Variants in LDLRAD3 observed in about 807,000 individuals in gnomAD.
LDLRAD3 encodes low density lipoprotein receptor class A domain containing 3, also known as low-density lipoprotein receptor class A domain-containing protein 3.
A neutral mutation model predicts 29.4 loss-of-function variants in LDLRAD3; 20 were observed. The ratio of observed to expected loss-of-function variants is 0.68; its 90% CI spans 0.48 to 0.99. LDLRAD3 has a LOEUF of 0.99. Among genes scored for constraint, LDLRAD3 ranks in the 50% least tolerant of loss-of-function variants. The probability of loss-of-function intolerance (pLI) is 0.00; values close to 1 mark genes in which losing one functional copy is unlikely to be tolerated. For synonymous variants in LDLRAD3, 157 were observed against 192.7 expected, an observed-to-expected ratio of 0.81 and a Z score of 1.53; for missense variants, 420 against 454.3, an observed-to-expected ratio of 0.92 and a Z score of 0.69.
rs560365027 is a variant in LDLRAD3, at chr11:36,013,538, A to C, written c.47-22565A>C. ...TGTTCTCATTGTTCAACTCCCACTTATGAGTGAGAACATGTGGTGTTTGGT... is the reference window on the plus strand; with the variant it reads ...TGTTCTCATTGTTCAACTCCCACTTCTGAGTGAGAACATGTGGTGTTTGGT... On this transcript the variant is annotated intron_variant, in intron 1 of 5. Coordinates refer to ENST00000315571, the MANE Select transcript of LDLRAD3 (RefSeq NM_174902.4). 1.3e-4 allele frequency among the ~76,000 whole-genome samples: 18 copies of C among 135,544 alleles called. 1 individual carries two copies. The South Asian group carries it at 4.0e-3, about 30-fold the overall frequency. The allele number at this position is 135,544 out of a possible 152,430, so 88.9% of individuals were successfully genotyped here.
intron 4 of LDLRAD3, among the ~76,000 whole-genome samples, chr11:36,145,720 T>G (rs1030397859): frequency 6.0e-5 from 9 of 151,246 alleles, no homozygotes; most frequent in African/African-American, 2.2e-4. Flanking sequence ...AACCCTGTGC[T>G]CTCTGAAACA....
chr11:35,981,403 T>G (rs1236498802), intron 1 of LDLRAD3, among the ~76,000 whole-genome samples: 1 of 152,102 alleles, frequency 6.6e-6, no homozygotes, highest in East Asian at 1.9e-4. Context: ...CCTCAGTGGG[T>G]GGCTGTGGGG....
chr11:36,229,630 G>GTT lies in LDLRAD3; in HGVS notation c.*233_*234insTT. The GTT allele has an allele frequency of 2.2e-6, 1 of 452,156 alleles. No homozygotes were observed. The highest frequency in any genetic ancestry group is 3.9e-6 in the Non-Finnish European group (1 of 255,768). 28.0% of individuals were successfully genotyped at this position (452,156 alleles called of 1,614,324 possible). On this transcript the variant is annotated 3_prime_UTR_variant, in exon 6 of 6. Transcript: ENST00000315571. ...TTTCTGTCAGGTCACTCTTCCCTTG[G>GTT]GACCCGAGATCACACCCTCATTTTT...
chr11:35,966,364 G>A (rs946773967), intron 1 of LDLRAD3, among the ~76,000 whole-genome samples: 1 of 152,218 alleles, frequency 6.6e-6, no homozygotes, highest in Non-Finnish European at 1.5e-5. Context: ...GGCGGAGGTT[G>A]CAGTGAGCTG....
At chr11:36,122,329 G>A (rs183061236) in intron 4 of LDLRAD3, among the ~76,000 whole-genome samples, 2 of 152,230 alleles carry the variant, frequency 1.3e-5, no homozygotes, top group Admixed American at 1.3e-4. Context: ...TCAGTGCAGG[G>A]GGAGAAGTGG....
Position 36,133,246 on chromosome 11 carries a change from G to A in LDLRAD3, c.454+34785G>A, listed in dbSNP as rs959655595. On this transcript the variant is annotated intron_variant, in intron 4 of 5. Transcript: ENST00000315571. ...AGATGGGGCCTTGCTATGTTGTCCA[G>A]GTTGGTCTCGAACTCCTGGGCTCAA... Among the ~76,000 whole-genome samples the A allele has an allele frequency of 1.2e-4, 18 of 146,078 alleles. 1 individual carries two copies. Among genetic ancestry groups the A allele is most frequent in the African/African-American group, 2.6e-5 (1 of 39,206 alleles).
At chr11:36,193,204 A>G (rs1386361110) in intron 4 of LDLRAD3, among the ~76,000 whole-genome samples, 9 of 152,170 alleles carry the variant, frequency 5.9e-5, no homozygotes, top group Non-Finnish European at 8.8e-5. Flanking sequence ...CTGTGAGCCA[A>G]TGTATACAAA....
intron 1 of LDLRAD3, among the ~76,000 whole-genome samples, chr11:35,970,275 G>T (rs893993024): frequency 1.3e-5 from 2 of 152,180 alleles, no homozygotes; most frequent in African/African-American, 4.8e-5. Flanking sequence ...ACACAGTTCT[G>T]TTGGACTGGA....
chr11:36,223,439 A>C (rs970909958), intron 4 of LDLRAD3, among the ~76,000 whole-genome samples: 8 of 152,126 alleles, frequency 5.3e-5, no homozygotes, highest in African/African-American at 1.7e-4. Flanking sequence ...TAAGAAATAC[A>C]TTTCACTGGC....
intron 4 of LDLRAD3, among the ~76,000 whole-genome samples, chr11:36,158,525 C>CTTTTTTT (rs61352747): frequency 9.3e-6 from 1 of 107,096 alleles, no homozygotes; most frequent in Admixed American, 1.0e-4. Flanking sequence ...ATGTTCTGGG[C>CTTTTTTT]TTTTTTTTTT....
chr11:35,949,386 C>G (rs921956523), intron 1 of LDLRAD3, among the ~76,000 whole-genome samples: 1 of 152,192 alleles, frequency 6.6e-6, no homozygotes, highest in East Asian at 1.9e-4. Context: ...GGAGCACAAG[C>G]TGCCAGATTG....
chr11:36,180,787 A>G (rs73437285), intron 4 of LDLRAD3, among the ~76,000 whole-genome samples: 3,129 of 152,242 alleles, frequency 0.021, 99 homozygotes, highest in African/African-American at 0.068. Context: ...ATGGTGGCCA[A>G]GGCCAGCGTG....
At chr11:36,152,853 T>C (rs1331538585) in intron 4 of LDLRAD3, among the ~76,000 whole-genome samples, 2 of 152,252 alleles carry the variant, frequency 1.3e-5, no homozygotes, top group Non-Finnish European at 2.9e-5. Context: ...TACAAGTATA[T>C]GCTGAGTCCT....
intron 3 of LDLRAD3, among the ~76,000 whole-genome samples, chr11:36,096,544 CG>C (rs2133272030): frequency 6.6e-6 from 1 of 152,344 alleles, no homozygotes; most frequent in Admixed American, 6.5e-5. Context: ...TCTGTAGGAC[CG>C]AGATTCACAT....
At chr11:35,964,713 T>TG (rs1205420959) in intron 1 of LDLRAD3, among the ~76,000 whole-genome samples, 1 of 152,004 alleles carries the variant, frequency 6.6e-6, no homozygotes, top group East Asian at 1.9e-4. Context: ...TGAGCCTGGG[T>TG]GTGGTGGCTC....
Position 36,218,851 on chromosome 11 carries a change from G to A in LDLRAD3, c.455-8234G>A, listed in dbSNP as rs1244701829. ...CTAAAGGTACTTCAATAGAGGTTTG[G>A]CTAAATAAACTGTAGTTTATCTCTA... On this transcript the variant is annotated intron_variant, in intron 4 of 5. Coordinates refer to ENST00000315571, the MANE Select transcript of LDLRAD3 (RefSeq NM_174902.4). Among the ~76,000 whole-genome samples, 7 of 152,212 alleles carry A rather than the reference G, an allele frequency of 4.6e-5. No individual in the cohort carries two copies. In the East Asian group the frequency reaches 7.7e-4, roughly 17 times the overall value.
intron 1 of LDLRAD3, among the ~76,000 whole-genome samples, chr11:36,006,609 TGACTGTCTGATTATGTTTCCTTGG>T (rs1851888801): frequency 6.6e-6 from 1 of 152,184 alleles, no homozygotes; most frequent in Admixed American, 6.5e-5. Flanking sequence ...CTGGGTTCCA[TGACTGTCTGATTATGTTTCCTTGG>T]GCAAGTTTTT....
intron 4 of LDLRAD3, among the ~76,000 whole-genome samples, chr11:36,163,794 T>C (rs906435999): frequency 3.3e-5 from 5 of 152,128 alleles, no homozygotes; most frequent in Non-Finnish European, 7.4e-5. Context: ...GCTTTAGATT[T>C]GATATATAGA....
intron 2 of LDLRAD3, among the ~76,000 whole-genome samples, chr11:36,037,387 C>T (rs968632310): frequency 4.6e-5 from 7 of 152,122 alleles, no homozygotes; most frequent in Non-Finnish European, 8.8e-5. Context: ...GTGATCCCGG[C>T]TCACTGCAAC....
Sources: allele counts gnomAD v4.1 joint callset (sites outside exome capture counted in the v4.1 genomes callset), GRCh38; gene constraint gnomAD v4.1.1; transcripts MANE v1.5; gene names NCBI Gene and HGNC (gene_info 2026-07-23, HGNC 2026-07-21).